The following ANKRD44 variants were observed in gnomAD, a reference collection of about 807,000 sequenced individuals.
The protein encoded by ANKRD44 is ankyrin repeat domain 44.
In ANKRD44, 35 loss-of-function variants were observed where a neutral mutation model predicts 116.0. The observed-to-expected ratio is 0.30, with a 90% CI of 0.23 to 0.40. ANKRD44 has a LOEUF of 0.40. Ranked by LOEUF, ANKRD44 falls within the 10% of genes least tolerant of loss-of-function variation. ANKRD44 has a pLI of 1.00. For missense variants in ANKRD44, 1,014 were observed against 1,242.6 expected (o/e 0.82, Z 2.77); for synonymous variants, 435 against 461.8 (o/e 0.94, Z 0.74).
rs1303854979 is a variant in ANKRD44, at chr2:197,273,981, ATATATATATATATATATATATATATAT to A, written c.27+36570_27+36596del. On this transcript the variant is annotated intron_variant, in intron 1 of 27. Transcript: ENST00000282272. ...ACCACAAAAAAAAAAAAAAAAAAAA[ATATATATATATATATATATATATATAT>A]ATATATATATATATATATATGAATC... Among the ~76,000 whole-genome samples, 7 of 23,982 alleles carry A rather than the reference ATATATATATATATATATATATATATAT, an allele frequency of 2.9e-4. 1 individual carries two copies. The highest frequency in any genetic ancestry group is 1.4e-3 in the African/African-American group (6 of 4,398). 15.7% of individuals were successfully genotyped at this position (23,982 alleles called of 152,430 possible).
chr2:197,117,232 CCTTT>C (rs754359193), intron 8 of ANKRD44, among the ~76,000 whole-genome samples: 10 of 151,878 alleles, frequency 6.6e-5, no homozygotes, highest in Non-Finnish European at 1.3e-4. Context: ...TTCCTTCCTT[CCTTT>C]ATTATTTATT....
intron 9 of ANKRD44, among the ~76,000 whole-genome samples, chr2:197,103,746 G>C (rs1193141305): frequency 1.3e-5 from 2 of 152,050 alleles, no homozygotes; most frequent in Admixed American, 6.6e-5. Flanking sequence ...GAAATACAAA[G>C]AAGAAAACAG....
At chr2:197,001,677 T>C (rs1326290037) in intron 22 of ANKRD44, 76 bp downstream of exon 22, 4 of 1,093,526 alleles carry the variant, frequency 3.7e-6, no homozygotes, top group Non-Finnish European at 5.3e-6. Context: ...AAGACTTTTT[T>C]CCCTACAAAG....
At chr2:197,230,708 T>G (rs1159504789) in intron 1 of ANKRD44, among the ~76,000 whole-genome samples, 1 of 152,214 alleles carries the variant, frequency 6.6e-6, no homozygotes, top group Non-Finnish European at 1.5e-5. Flanking sequence ...AGTTTCTTTC[T>G]TTCTCATGTT....
chr2:197,069,455 A>C (rs1574396035), intron 16 of ANKRD44, among the ~76,000 whole-genome samples: 1 of 152,220 alleles, frequency 6.6e-6, no homozygotes, highest in African/African-American at 2.4e-5. Context: ...TAATAAAAAA[A>C]AATTGACCTT....
In ANKRD44 at chr2:196,995,290, G is replaced by A; in HGVS notation, c.2831+89C>T. The stretch of plus-strand genomic sequence containing the variant: ...ATCTTTCACCACTGTGCTCCCCAGA[G>A]CTAGTCTGGCACACAGCAGGCTCTT... On this transcript the variant is annotated intron_variant, in intron 26 of 27. Transcript: ENST00000282272. 4 of 881,272 alleles carry A rather than the reference G, an allele frequency of 4.5e-6. No individual in the cohort carries two copies. The East Asian group carries it at 1.0e-4, about 23-fold the overall frequency. The allele number at this position is 881,272 out of a possible 1,614,324, so 54.6% of individuals were successfully genotyped here.
intron 23 of ANKRD44, among the ~76,000 whole-genome samples, chr2:196,999,457 G>A (rs112046344): frequency 0.036 from 5,412 of 152,070 alleles, 126 homozygotes; most frequent in South Asian, 0.059. Flanking sequence ...TCTTTTAGAG[G>A]ATAATTTGGC....
intron 8 of ANKRD44, 80 bp from the exon 9 acceptor site, chr2:197,110,924 C>T: frequency 2.2e-6 from 2 of 928,260 alleles, no homozygotes. Context: ...CCTATGGACA[C>T]TCCTAATAAT....
chr2:197,084,326 C>T (rs1266737044), intron 13 of ANKRD44, among the ~76,000 whole-genome samples: 1 of 152,140 alleles, frequency 6.6e-6, no homozygotes, highest in African/African-American at 2.4e-5. Context: ...TCACTTCCAC[C>T]CATCAAAACC....
At chr2:197,247,986 C>A (rs567281330) in intron 1 of ANKRD44, among the ~76,000 whole-genome samples, 1 of 152,124 alleles carries the variant, frequency 6.6e-6, no homozygotes, top group African/African-American at 2.4e-5. Context: ...ACTAGGGACA[C>A]GGCCTCCCTC....
chr2:197,173,692 A>G (rs1436879383), intron 2 of ANKRD44, among the ~76,000 whole-genome samples: 2 of 152,176 alleles, frequency 1.3e-5, no homozygotes, highest in Non-Finnish European at 2.9e-5. Context: ...AGAGATTTTT[A>G]TAATTAAATG....
intron 4 of ANKRD44, 65 bp downstream of exon 4, chr2:197,136,527 C>A: frequency 6.8e-7 from 1 of 1,472,170 alleles, no homozygotes; most frequent in South Asian, 1.1e-5. Context: ...ATTCTTAATT[C>A]GCTAGCAAGA....
chr2:197,121,493 T>G lies in ANKRD44; in HGVS notation c.745A>C (p.Asn249His). 6.2e-7 allele frequency: 1 copy of G among 1,614,208 alleles called. No individual in the cohort carries two copies. The highest frequency in any genetic ancestry group is 8.5e-7 in the Non-Finnish European group (1 of 1,180,034). Residue 249 changes from asparagine (N) to histidine (H), a missense_variant, in exon 8 of 28, where the codon AAT (asparagine) becomes CAT (histidine). Asn to His is a moderately conservative substitution (Grantham distance 68). Transcript: ENST00000282272. The stretch of plus-strand genomic sequence containing the variant: ...TCGTTAACCACAGCATCCTGTCCAT[T>G]GTAGCAGGCGATGTGAAGCGCTGTA... Reference protein sequence around the residue: ...GNTALHIACYNGQDAVVNELI... With the variant: ...GNTALHIACYHGQDAVVNELI...
chr2:197,302,162 C>G (rs78028579), intron 1 of ANKRD44: 1 of 153,088 alleles, frequency 6.5e-6, no homozygotes, highest in African/African-American at 2.4e-5. Flanking sequence ...AAGAGGTGGA[C>G]AGCAGACAAG....
chr2:197,287,008 A>G (rs561863692), intron 1 of ANKRD44, among the ~76,000 whole-genome samples: 21 of 152,346 alleles, frequency 1.4e-4, no homozygotes, highest in African/African-American at 5.1e-4. Flanking sequence ...GTATGGCCCT[A>G]TAATGGTGGA....
chr2:197,254,102 C>T (rs976828962), intron 1 of ANKRD44, among the ~76,000 whole-genome samples: 2 of 152,186 alleles, frequency 1.3e-5, no homozygotes, highest in Non-Finnish European at 2.9e-5. Context: ...GCTAAACTTC[C>T]AACTCCAAGA....
chr2:197,080,469 C>A (rs899827187), intron 15 of ANKRD44, among the ~76,000 whole-genome samples: 2 of 152,190 alleles, frequency 1.3e-5, no homozygotes, highest in Admixed American at 6.5e-5. Context: ...CCCCTGCCCC[C>A]CTACCTTTCT....
chr2:197,007,086 T>C (rs1197118868), intron 20 of ANKRD44, among the ~76,000 whole-genome samples: 1 of 151,376 alleles, frequency 6.6e-6, no homozygotes, highest in African/African-American at 2.4e-5. Flanking sequence ...GCCTGGGTGA[T>C]AAGAGTGAGA....
chr2:196,974,662 G>C (rs1410037074), intron 21 of ANKRD44, among the ~76,000 whole-genome samples: 6 of 152,136 alleles, frequency 3.9e-5, no homozygotes, highest in Non-Finnish European at 7.4e-5. Flanking sequence ...GGCCAAGGCA[G>C]GCAGATCACC....
Sources: allele counts gnomAD v4.1 joint callset (sites outside exome capture counted in the v4.1 genomes callset), GRCh38; gene constraint gnomAD v4.1.1; transcripts MANE v1.5; gene names NCBI Gene and HGNC (gene_info 2026-07-23, HGNC 2026-07-21).